ANKRD10: variants seen among roughly 807,000 people sequenced by gnomAD.
The protein encoded by ANKRD10 is ankyrin repeat domain-containing protein 10.
ANKRD10 carries 14 observed loss-of-function variants against 27.0 expected under a neutral mutation model. The observed-to-expected ratio is 0.52, with a 90% CI of 0.34 to 0.81. The LOEUF (loss-of-function observed/expected upper bound fraction) is 0.81. Ranked by LOEUF, ANKRD10 falls within the 40% of genes least tolerant of loss-of-function variation. ANKRD10 has a pLI of 0.01. For missense variants in ANKRD10, 493 were observed against 544.0 expected, an observed-to-expected ratio of 0.91 and a Z score of 0.93; for synonymous variants, 250 against 224.5, an observed-to-expected ratio of 1.11 and a Z score of -1.01.
At chr13:110,906,441 TAAGTAACC>T (rs796088271) in intron 2 of ANKRD10, among the ~76,000 whole-genome samples, 7 of 124,760 alleles carry the variant, frequency 5.6e-5, no homozygotes, top group Non-Finnish European at 1.3e-4. Context: ...AAACCCAGAA[TAAGTAACC>T]AAACAAACAA....
intron 3 of ANKRD10, among the ~76,000 whole-genome samples, chr13:110,901,118 G>C (rs893892170): frequency 6.6e-6 from 1 of 151,836 alleles, no homozygotes; most frequent in South Asian, 2.1e-4. Flanking sequence ...ATTAAAAAAA[G>C]ATAAAAAACA....
In ANKRD10 at chr13:110,881,559, T is replaced by C. The variant is rs139885821; in HGVS notation, c.788-1447A>G. ...TTTCCCCCAAATTAAATGATAGCTT[T>C]TCTATTTGGCTAAAATCCTAGACTA... On this transcript the variant is annotated intron_variant, in intron 5 of 5. Transcript: ENST00000267339. Among the ~76,000 whole-genome samples the C allele has an allele frequency of 2.6e-5, 4 of 152,372 alleles. No homozygotes were observed. The East Asian group carries it at 7.7e-4, about 29-fold the overall frequency.
At chr13:110,900,810 G>C in intron 3 of ANKRD10, 3 of 611,026 alleles carry the variant, frequency 4.9e-6, no homozygotes, top group South Asian at 1.7e-5. Context: ...ATATTTGCAG[G>C]CAACATTTGG....
In ANKRD10 at chr13:110,910,871, G is replaced by A. The variant is rs186013252; in HGVS notation, c.211-101C>T. 9.6e-5 allele frequency: 121 copies of A among 1,265,732 alleles called. No individual in the cohort carries two copies. The African/African-American group carries it at 1.7e-3, about 18-fold the overall frequency. 78.4% of individuals were successfully genotyped at this position (1,265,732 alleles called of 1,614,324 possible). On this transcript the variant is annotated intron_variant, in intron 1 of 5. Transcript: ENST00000267339. ...TTCTATAATGGTGACAAATGGCATT[G>A]TTACCAGTTTTTTAACAGATTAAGT...
chr13:110,909,477 G>A (rs1206132066), intron 2 of ANKRD10, among the ~76,000 whole-genome samples: 1 of 152,190 alleles, frequency 6.6e-6, no homozygotes, highest in Non-Finnish European at 1.5e-5. Context: ...TATACATTAT[G>A]TAAAGGCACA....
intron 2 of ANKRD10, among the ~76,000 whole-genome samples, chr13:110,908,495 A>G (rs1566492809): frequency 6.6e-6 from 1 of 152,232 alleles, no homozygotes; most frequent in East Asian, 1.9e-4. Flanking sequence ...TAGAACTGTT[A>G]GTAGCTAACA....
chr13:110,905,727 AGTGGCAAAGTAATG>A (rs1373922110), intron 3 of ANKRD10, among the ~76,000 whole-genome samples: 50 of 152,354 alleles, frequency 3.3e-4, no homozygotes, highest in South Asian at 2.1e-4. Flanking sequence ...ACAACTAGTT[AGTGGCAAAGTAATG>A]GTGGCAAAGT....
chr13:110,899,828 C>CA (rs11307438), intron 3 of ANKRD10, among the ~76,000 whole-genome samples: 4 of 150,278 alleles, frequency 2.7e-5, no homozygotes, highest in African/African-American at 9.8e-5. Context: ...AAGTAACTTG[C>CA]AAAAAAAAAA....
At chr13:110,904,944 A>C (rs556798568) in intron 3 of ANKRD10, 1 of 152,358 alleles carries the variant, frequency 6.6e-6, no homozygotes, top group East Asian at 1.9e-4. Context: ...GTCGTGCATT[A>C]GCCTGTATGG....
At chr13:110,894,123 T>C (rs1169326996) in intron 3 of ANKRD10, 5 of 1,609,440 alleles carry the variant, frequency 3.1e-6, no homozygotes, top group South Asian at 1.1e-5. Flanking sequence ...AGACACTGAA[T>C]TAAAACTGAG....
intron 3 of ANKRD10, chr13:110,900,401 A>AAGT (rs2065350560): frequency 5.5e-6 from 3 of 543,108 alleles, no homozygotes; most frequent in Non-Finnish European, 7.3e-6. Context: ...TTCTGATCTC[A>AAGT]ACTTAGCTAT....
intron 4 of ANKRD10, among the ~76,000 whole-genome samples, chr13:110,888,307 G>A (rs1334218829): frequency 6.6e-6 from 1 of 151,656 alleles, no homozygotes; most frequent in East Asian, 1.9e-4. Context: ...TGCTCAAATG[G>A]AGACTTTTAA....
At chr13:110,907,699 C>T (rs1290833706) in intron 2 of ANKRD10, among the ~76,000 whole-genome samples, 4 of 152,186 alleles carry the variant, frequency 2.6e-5, no homozygotes, top group African/African-American at 9.7e-5. Flanking sequence ...CGGCTATAAA[C>T]TATCCAGTCA....
rs1338239831 is a variant in ANKRD10 at position 110,893,111 on chromosome 13, G to A, written c.608C>T (p.Pro203Leu). 1.2e-6 allele frequency: 2 copies of A among 1,614,068 alleles called. No homozygotes were observed. Among genetic ancestry groups the A allele is most frequent in the East Asian group, 2.2e-5 (1 of 44,902 alleles). ...ILNGGHQNVF[P>L]NHISVGTNRK... ...ATTTGTTCCCACACTAATATGATTA[G>A]GAAATACATTCTGATGACCCCCATT... Residue 203 changes from proline (P) to leucine (L), a missense_variant, in exon 4 of 6, where the codon CCT becomes CTT. By Grantham distance (98) the Pro-to-Leu change is moderately conservative. Coordinates refer to ENST00000267339, the MANE Select transcript of ANKRD10 (RefSeq NM_017664.4).
intron 3 of ANKRD10, 77 bp from the exon 4 acceptor site, chr13:110,893,340 T>G: frequency 7.3e-7 from 1 of 1,379,092 alleles, no homozygotes; most frequent in Non-Finnish European, 1.0e-6. Flanking sequence ...ACTGACTAGC[T>G]ATCTGAAGGT....
chr13:110,887,647 C>G (rs2064967397), intron 4 of ANKRD10, among the ~76,000 whole-genome samples: 1 of 152,236 alleles, frequency 6.6e-6, no homozygotes, highest in South Asian at 2.1e-4. Flanking sequence ...TTCCCCAAGA[C>G]TAAATCAGGA....
At chr13:110,882,074 G>A (rs907493310) in intron 5 of ANKRD10, among the ~76,000 whole-genome samples, 3 of 152,192 alleles carry the variant, frequency 2.0e-5, no homozygotes, top group African/African-American at 2.4e-5. Context: ...TTCTCTTCCA[G>A]CCAACCCCAT....
intron 3 of ANKRD10, among the ~76,000 whole-genome samples, chr13:110,896,067 G>C (rs1295893543): frequency 6.6e-6 from 1 of 152,162 alleles, no homozygotes; most frequent in African/African-American, 2.4e-5. Flanking sequence ...ACAATCACAG[G>C]TCAAACAACT....
chr13:110,880,880 G>C (rs983023268), intron 5 of ANKRD10, among the ~76,000 whole-genome samples: 4 of 152,228 alleles, frequency 2.6e-5, no homozygotes, highest in Admixed American at 1.3e-4. Context: ...ACGCAGAGTC[G>C]CTTCTTCTCA....
Sources: allele counts gnomAD v4.1 joint callset (sites outside exome capture counted in the v4.1 genomes callset), GRCh38; gene constraint gnomAD v4.1.1; transcripts MANE v1.5; gene names NCBI Gene and HGNC (gene_info 2026-07-23, HGNC 2026-07-21).